Variants in MLX observed in about 807,000 individuals in gnomAD.
MLX encodes the protein MAX dimerization protein MLX.
MLX carries 15 observed loss-of-function variants against 33.0 expected under a neutral mutation model. The ratio of observed to expected loss-of-function variants is 0.45; its 90% CI spans 0.30 to 0.70. The LOEUF is 0.70. Among genes scored for constraint, MLX ranks in the 30% least tolerant of loss-of-function variants. The pLI is 0.07. For missense variants in MLX, 285 were observed against 306.3 expected (o/e 0.93, Z 0.52); for synonymous variants, 115 against 115.6 (o/e 0.99, Z 0.03).
rs923301595 is a variant in MLX at position 42,567,414 on chromosome 17, G to A, written c.43-205G>A. ...AGGGGCGGAAGGGATCATACACAGG[G>A]GAGGCACTCGCACGCCCTAGCCTGT... On this transcript the variant is annotated intron_variant, in intron 1 of 7. Coordinates refer to ENST00000435881, the MANE Select transcript of MLX (RefSeq NM_198204.2). The A allele has an allele frequency of 9.4e-6, 13 of 1,385,410 alleles. No individual in the cohort carries two copies. The African/African-American group carries it at 1.5e-4, about 16-fold the overall frequency. The allele number at this position is 1,385,410 out of a possible 1,614,324, so 85.8% of individuals were successfully genotyped here. A position where few individuals can be genotyped will look rare whatever the true frequency, so the allele number is the denominator to read the frequency against.
In MLX at chr17:42,569,611, GA is replaced by G. The variant is rs1486838956; in HGVS notation, c.476+6del. ...CGCCCTAAAGATCATGAAAGTGTAA[GA>G]GGGGTGCTGAATGGGGGGAACCAGA... On this transcript the variant is annotated splice_donor_region_variant and intron_variant, in intron 6 of 7. Coordinates refer to ENST00000435881, the MANE Select transcript of MLX (RefSeq NM_198204.2). 3 of 1,611,132 alleles carry G rather than the reference GA, an allele frequency of 1.9e-6. No individual in the cohort carries two copies. The highest frequency in any genetic ancestry group is 2.2e-5 in the South Asian group (2 of 90,974).
Position 42,571,943 on chromosome 17 carries a change from G to A in MLX, c.*340G>A. On this transcript the variant is annotated 3_prime_UTR_variant, in exon 8 of 8. Transcript: ENST00000435881. Reference sequence around the variant, plus strand: ...ATTCAAGCCTCAGATTTCTGCTCATGATCTACATAGATTTGGAAACTGTTT... The same window carrying A: ...ATTCAAGCCTCAGATTTCTGCTCATAATCTACATAGATTTGGAAACTGTTT... 2 of 318,592 alleles carry A rather than the reference G, an allele frequency of 6.3e-6. No homozygotes were observed. The highest frequency in any genetic ancestry group is 7.2e-5 in the South Asian group (2 of 27,636). 19.7% of individuals were successfully genotyped at this position (318,592 alleles called of 1,614,324 possible). A position where few individuals can be genotyped will look rare whatever the true frequency, so the allele number is the denominator to read the frequency against.
At chr17:42,567,384 G>A in intron 1 of MLX, 2 of 1,411,852 alleles carry the variant, frequency 1.4e-6, no homozygotes, top group South Asian at 1.6e-5. Context: ...GCACTGGGGT[G>A]GAGTAGGGGC....
rs773805979 is a variant in MLX at position 42,570,143 on chromosome 17, CGT to C, written c.643_644del (p.Val215LeufsTer9). ...GTGGCCAGCTTCCAGGAGCTGTCAG[CGT>C]GTGTCTTCAGCTGGATCGAGGAGCA... is the stretch of plus-strand genomic sequence containing the variant. On this transcript the variant is annotated frameshift_variant, in exon 7 of 8. Coordinates refer to ENST00000435881, the MANE Select transcript of MLX (RefSeq NM_198204.2). LOFTEE classifies it high-confidence loss of function. 2.5e-6 allele frequency: 4 copies of C among 1,614,070 alleles called. No individual in the cohort carries two copies. The highest frequency in any genetic ancestry group is 1.1e-5 in the South Asian group (1 of 91,082).
At chr17:42,568,966 C>T (rs752711295) in intron 4 of MLX, 23 bp downstream of exon 4, 4 of 1,591,212 alleles carry the variant, frequency 2.5e-6, no homozygotes, top group East Asian at 4.6e-5. Context: ...GCCTGTGCCT[C>T]AGCCAGTGCG....
Position 42,572,639 on chromosome 17 carries a change from T to A in MLX, c.*1036T>A, listed in dbSNP as rs780881964. 1 of 444,056 alleles carries A rather than the reference T, an allele frequency of 2.3e-6. No individual in the cohort carries two copies. The highest frequency in any genetic ancestry group is 1.6e-5 in the South Asian group (1 of 61,250). 27.5% of individuals were successfully genotyped at this position (444,056 alleles called of 1,614,324 possible). Reference sequence around the variant, plus strand: ...TCCTCAGGTTTGATATCTGGCAGGTTTGACTATCCAGAGGAAATTAAATAT... The same window carrying A: ...TCCTCAGGTTTGATATCTGGCAGGTATGACTATCCAGAGGAAATTAAATAT... On this transcript the variant is annotated 3_prime_UTR_variant, in exon 8 of 8. Transcript: ENST00000435881.
chr17:42,569,248 G>C lies in MLX; in HGVS notation c.321G>C (p.Gln107His), dbSNP rs767788086. 2.5e-6 allele frequency: 4 copies of C among 1,614,048 alleles called. No individual in the cohort carries two copies. Among genetic ancestry groups the C allele is most frequent in the Non-Finnish European group, 3.4e-6 (4 of 1,180,032 alleles). Residue 107 changes from glutamine (Q) to histidine (H), a missense_variant, in exon 5 of 8, where the codon CAG becomes CAC. Transcript: ENST00000435881. ...AGACCATCGTCCCCACTTGCCAGCA[G>C]CAGGACTTCTCCATTGGCTCCCAAA... ...DLQTIVPTCQ[Q>H]QDFSIGSQKL...
In MLX at chr17:42,567,427, C is replaced by T. The variant is rs1288845929; in HGVS notation, c.43-192C>T. 1.5e-5 allele frequency: 20 copies of T among 1,364,652 alleles called. No individual in the cohort carries two copies. The South Asian group carries it at 2.9e-4, about 20-fold the overall frequency. 84.5% of individuals were successfully genotyped at this position (1,364,652 alleles called of 1,614,324 possible). A position where few individuals can be genotyped will look rare whatever the true frequency, so the allele number is the denominator to read the frequency against. ...ATCATACACAGGGGAGGCACTCGCA[C>T]GCCCTAGCCTGTGCCAGTCTCGGGG... On this transcript the variant is annotated intron_variant, in intron 1 of 7. Transcript: ENST00000435881.
intron 7 of MLX, among the ~76,000 whole-genome samples, chr17:42,570,512 C>T (rs1398652970): frequency 6.6e-6 from 1 of 152,128 alleles, no homozygotes; most frequent in Non-Finnish European, 1.5e-5. Flanking sequence ...ACCTTTAGGC[C>T]CCCTAAAGTA....
chr17:42,568,283 A>T, intron 2 of MLX, 187 bp from the exon 3 acceptor site: 1 of 327,634 alleles, frequency 3.1e-6, no homozygotes. Context: ...GAATGGCGTG[A>T]ACCTGGGAGG....
rs1417133181 is a variant in MLX at position 42,572,838 on chromosome 17, C to G, written c.*1235C>G. 5.3e-6 allele frequency: 6 copies of G among 1,124,914 alleles called. No homozygotes were observed. 69.7% of individuals were successfully genotyped at this position (1,124,914 alleles called of 1,614,324 possible). On this transcript the variant is annotated 3_prime_UTR_variant, in exon 8 of 8. Coordinates refer to ENST00000435881, the MANE Select transcript of MLX (RefSeq NM_198204.2). Reference sequence around the variant, plus strand: ...CAGTGCTCTGGTTTATGCTTGTCTCCTGACTGCTCTGCTTAAAGGTGAAAG... The same window carrying G: ...CAGTGCTCTGGTTTATGCTTGTCTCGTGACTGCTCTGCTTAAAGGTGAAAG...
At chr17:42,567,347 C>T (rs1597717483) in intron 1 of MLX, 181 bp downstream of exon 1, 1 of 1,405,686 alleles carries the variant, frequency 7.1e-7, no homozygotes, top group Non-Finnish European at 9.3e-7. Context: ...ACAAACGAGG[C>T]GTGTGCGCGC....
At position 42,572,484 on chromosome 17, in the gene MLX, T is replaced by C. The variant is rs933172890; in HGVS notation, c.*881T>C. ...GGACTTGGGGGTGGGGTGAAAAGCG[T>C]ACAAAAGATACTTAAAAGGGCTCCT... On this transcript the variant is annotated 3_prime_UTR_variant, in exon 8 of 8. Coordinates refer to ENST00000435881, the MANE Select transcript of MLX (RefSeq NM_198204.2). 4.4e-6 allele frequency: 2 copies of C among 454,412 alleles called. No individual in the cohort carries two copies. The highest frequency in any genetic ancestry group is 8.8e-6 in the Non-Finnish European group (2 of 226,752). 28.1% of individuals were successfully genotyped at this position (454,412 alleles called of 1,614,324 possible).
Position 42,567,638 on chromosome 17 carries a change from A to G in MLX, c.62A>G (p.Asp21Gly), listed in dbSNP as rs1433297005. ...PWVKVEYAYSDNSLDPGLFVE... is the reference protein window; with the variant it reads ...PWVKVEYAYSGNSLDPGLFVE... ...CCGCAGGTGGAGTATGCCTACAGCGACAACAGCCTGGACCCCGGTGAGTAG... is the reference window on the plus strand; with the variant it reads ...CCGCAGGTGGAGTATGCCTACAGCGGCAACAGCCTGGACCCCGGTGAGTAG... The change falls in exon 2 of 8, where the codon GAC (aspartate) becomes GGC (glycine). Residue 21 changes from aspartate (D) to glycine (G), a missense_variant. Physicochemically the swap from Asp to Gly is moderately conservative, Grantham distance 94. Transcript: ENST00000435881. 2 of 1,614,100 alleles carry G rather than the reference A, an allele frequency of 1.2e-6. No homozygotes were observed. The highest frequency in any genetic ancestry group is 8.5e-7 in the Non-Finnish European group (1 of 1,179,984).
chr17:42,571,180 A>G (rs1459320106), intron 7 of MLX, among the ~76,000 whole-genome samples: 1 of 133,082 alleles, frequency 7.5e-6, no homozygotes, highest in Non-Finnish European at 1.6e-5. Flanking sequence ...CTCTGTCACC[A>G]AGGCTGGAGT....
Position 42,567,655 on chromosome 17 carries a change from G to A in MLX, c.79G>A (p.Gly27Arg). 1 of 1,614,136 alleles carries A rather than the reference G, an allele frequency of 6.2e-7. No individual in the cohort carries two copies. The highest frequency in any genetic ancestry group is 8.5e-7 in the Non-Finnish European group (1 of 1,180,008). The part of the protein sequence containing the change: ...YAYSDNSLDP[G>R]LFVESTRKGS... ...CTACAGCGACAACAGCCTGGACCCC[G>A]GTGAGTAGCTGCCCCATCTTAAGCT... The change falls in exon 2 of 8, where the codon GGG (glycine) becomes AGG (arginine). Residue 27 changes from glycine to arginine, a missense_variant and splice_region_variant. By Grantham distance (125) the Gly-to-Arg change is moderately radical (BLOSUM62 -2). Transcript: ENST00000435881.
Position 42,571,707 on chromosome 17 carries a change from G to GGTCAGC in MLX, c.*105_*110dup. On this transcript the variant is annotated 3_prime_UTR_variant, in exon 8 of 8. Coordinates refer to ENST00000435881, the MANE Select transcript of MLX (RefSeq NM_198204.2). ...AGACTGGACTACAACACCTCACACT[G>GGTCAGC]GTCAGCTGGTTTCTACTTGGTGTTT... 1 of 1,064,242 alleles carries GGTCAGC rather than the reference G, an allele frequency of 9.4e-7. No individual in the cohort carries two copies. The highest frequency in any genetic ancestry group is 1.3e-5 in the South Asian group (1 of 78,548). 65.9% of individuals were successfully genotyped at this position (1,064,242 alleles called of 1,614,324 possible).
rs760170886 is a variant in MLX at position 42,572,615 on chromosome 17, C to T, written c.*1012C>T. The T allele has an allele frequency of 1.3e-4, 59 of 450,640 alleles. No homozygotes were observed. Among genetic ancestry groups the T allele is most frequent in the Admixed American group, 1.0e-3 (44 of 42,310 alleles). 27.9% of individuals were successfully genotyped at this position (450,640 alleles called of 1,614,324 possible). On this transcript the variant is annotated 3_prime_UTR_variant, in exon 8 of 8. Transcript: ENST00000435881. ...AGTTCTCCAAATTCACTTCTGCCTT[C>T]CTCAGGTTTGATATCTGGCAGGTTT...
chr17:42,569,056 G>T, intron 4 of MLX, 113 bp downstream of exon 4: 1 of 1,293,236 alleles, frequency 7.7e-7, no homozygotes, highest in Non-Finnish European at 1.1e-6. Context: ...TGGGCAGGTA[G>T]TATAGTCCCA....
Sources: allele counts gnomAD v4.1 joint callset (sites outside exome capture counted in the v4.1 genomes callset), GRCh38; gene constraint gnomAD v4.1.1; transcripts MANE v1.5; gene names NCBI Gene and HGNC (gene_info 2026-07-23, HGNC 2026-07-21).